The following APOB variants were observed in gnomAD, a reference collection of about 807,000 sequenced individuals.
APOB encodes apolipoprotein B-100.
In APOB, 153 loss-of-function variants were observed where a neutral mutation model predicts 314.1. That is an observed-to-expected ratio of 0.49 (90% CI 0.43 to 0.56). The LOEUF is 0.56. APOB is among the 20% of genes least tolerant of loss of function. APOB has a pLI of 0.00. For synonymous variants in APOB, 2,087 were observed against 2,036.4 expected, an observed-to-expected ratio of 1.02 and a Z score of -0.67; for missense variants, 5,430 against 5,350.7, an observed-to-expected ratio of 1.01 and a Z score of -0.46.
rs1012642664 is a variant in APOB, at chr2:21,044,021, C to T, written c.-76G>A. 1.3e-6 allele frequency: 1 copy of T among 771,152 alleles called. No individual in the cohort carries two copies. The highest frequency in any genetic ancestry group is 1.7e-6 in the Non-Finnish European group (1 of 575,934). The allele number at this position is 771,152 out of a possible 1,614,324, so 47.8% of individuals were successfully genotyped here. A position where few individuals can be genotyped will look rare whatever the true frequency, so the allele number is the denominator to read the frequency against. ...CGGCCCTGGCTGGCTGGGCGGGCTC[C>T]TCAGCGGCAGCAACCGAGAAGGGCA... On this transcript the variant is annotated 5_prime_UTR_variant, in exon 1 of 29. Coordinates refer to ENST00000233242, the MANE Select transcript of APOB (RefSeq NM_000384.3).
In APOB at chr2:21,002,425, T is replaced by C; in HGVS notation, c.12997A>G (p.Ile4333Val). 1 of 1,601,820 alleles carries C rather than the reference T, an allele frequency of 6.2e-7. No homozygotes were observed. The highest frequency in any genetic ancestry group is 8.5e-7 in the Non-Finnish European group (1 of 1,172,234). ...ATATAATCACTGAAGATTGTGTTGA[T>C]CTCATCTTGGATATAATTAATAAGA... ...TYLINYIQDE[I>V]NTIFSDYIPY... The change falls in exon 29 of 29, where the codon ATC (isoleucine) becomes GTC (valine). Residue 4333 changes from isoleucine to valine, a missense_variant. By Grantham distance (29) the Ile-to-Val change is conservative. Transcript: ENST00000233242.
chr2:21,033,492 C>T lies in APOB; in HGVS notation c.931G>A (p.Glu311Lys). ...EGTKKMGLAF[E>K]STKSTSPPKQ... ...GGAGGTGATGTGGATTTGGTGCTCT[C>T]AAATGCGAGGCCCATCTTCTTAGTA... Residue 311 changes from glutamate (E) to lysine (K), a missense_variant, in exon 9 of 29, where the codon GAG becomes AAG. By Grantham distance (56) the Glu-to-Lys change is moderately conservative (BLOSUM62 1). Around this residue, in one of 3 missense-constraint regions of APOB, gnomAD observed 2,085 missense variants for 2,079.7 expected, o/e 1.00. Transcript: ENST00000233242. 6.2e-7 allele frequency: 1 copy of T among 1,614,130 alleles called. No homozygotes were observed. Among genetic ancestry groups the T allele is most frequent in the Non-Finnish European group, 8.5e-7 (1 of 1,180,012 alleles).
At chr2:21,034,442 A>G (rs773991638) in intron 8 of APOB, among the ~76,000 whole-genome samples, 8 of 152,220 alleles carry the variant, frequency 5.3e-5, no homozygotes, top group Non-Finnish European at 8.8e-5. Context: ...TTCTACCTCT[A>G]AAGACTGACT....
At chr2:21,022,709 C>A (rs1181631837) in intron 18 of APOB, 122 bp downstream of exon 18, 21 of 858,794 alleles carry the variant, frequency 2.4e-5, no homozygotes, top group Admixed American at 8.0e-5. Flanking sequence ...CCTTTCTACT[C>A]CTCTCCTGCT....
At chr2:21,037,809 G>A (rs184837764) in intron 5 of APOB, 149 bp downstream of exon 5, 14 of 963,450 alleles carry the variant, frequency 1.5e-5, no homozygotes, top group African/African-American at 4.8e-5. Flanking sequence ...GAGGAACCTC[G>A]GGCACCAGTA....
At chr2:21,032,697 C>A in intron 9 of APOB, 116 bp from the exon 10 acceptor site, 1 of 751,394 alleles carries the variant, frequency 1.3e-6, no homozygotes, top group Admixed American at 2.5e-5. Context: ...CTATTCAAAT[C>A]TAACTTCAAA....
rs1373269458 is a variant in APOB, at chr2:21,013,451, C to G, written c.3925G>C (p.Asp1309His). ...PLPFGGKSSR[D>H]LKMLETVRTP... Reference sequence around the variant, plus strand: ...CTAACAGTCTCTAACATCTTTAGATCTCTGGAGGATTTGCCACCAAAAGGC... The same window carrying G: ...CTAACAGTCTCTAACATCTTTAGATGTCTGGAGGATTTGCCACCAAAAGGC... Residue 1309 changes from aspartate (D) to histidine (H), a missense_variant, in exon 25 of 29, where the codon GAT (aspartate) becomes CAT (histidine). Asp to His is a moderately conservative substitution (Grantham distance 81). Around this residue, in one of 3 missense-constraint regions of APOB, gnomAD observed 2,085 missense variants for 2,079.7 expected, o/e 1.00. Coordinates refer to ENST00000233242, the MANE Select transcript of APOB (RefSeq NM_000384.3). 1 of 1,614,102 alleles carries G rather than the reference C, an allele frequency of 6.2e-7. No individual in the cohort carries two copies. Among genetic ancestry groups the G allele is most frequent in the East Asian group, 2.2e-5 (1 of 44,904 alleles).
chr2:21,027,149 T>C (rs1370750582), intron 14 of APOB, among the ~76,000 whole-genome samples, 185 bp from the exon 15 acceptor site: 5 of 152,166 alleles, frequency 3.3e-5, no homozygotes, highest in Admixed American at 2.0e-4. Flanking sequence ...CCTTATTACT[T>C]GCTTTTTTCT....
Position 21,002,754 on chromosome 2 carries a change from T to C in APOB, c.12668A>G (p.Glu4223Gly), listed in dbSNP as rs1663024271. The change falls in exon 29 of 29, where the codon GAG (glutamate) becomes GGG (glycine). Residue 4223 changes from glutamate (E) to glycine (G), a missense_variant. Physicochemically the swap from Glu to Gly is moderately conservative, Grantham distance 98 (BLOSUM62 -2). Around this residue, in one of 3 missense-constraint regions of APOB, gnomAD observed 3,281 missense variants for 3,171.0 expected, o/e 1.03. Coordinates refer to ENST00000233242, the MANE Select transcript of APOB (RefSeq NM_000384.3). ...REELCTMFIR[E>G]VGTVLSQVYS... ...TACCTGGGACAGTACCGTCCCTACCTCCCTTATGAACATAGTGCAAAGTTC... is the reference window on the plus strand; with the variant it reads ...TACCTGGGACAGTACCGTCCCTACCCCCCTTATGAACATAGTGCAAAGTTC... 1.2e-6 allele frequency: 2 copies of C among 1,609,518 alleles called. No homozygotes were observed. Among genetic ancestry groups the C allele is most frequent in the Non-Finnish European group, 1.7e-6 (2 of 1,177,198 alleles).
chr2:21,020,557 C>A (rs1473878141), intron 18 of APOB, among the ~76,000 whole-genome samples: 1 of 152,212 alleles, frequency 6.6e-6, no homozygotes, highest in African/African-American at 2.4e-5. Flanking sequence ...TCCCAGAAGC[C>A]TTCCATAGAG....
In APOB at chr2:21,033,456, C is replaced by T. The variant is rs368194255; in HGVS notation, c.967G>A (p.Glu323Lys). 9.3e-6 allele frequency: 15 copies of T among 1,614,016 alleles called. No individual in the cohort carries two copies. The African/African-American group carries it at 9.3e-5, about 10-fold the overall frequency. ...TKSTSPPKQA[E>K]AVLKTLQELK... is the part of the protein sequence containing the mutation. ...TCCTGGAGAGTCTTCAAAACAGCTT[C>T]GGCCTGCTTTGGAGGTGATGTGGAT... Residue 323 changes from glutamate to lysine, a missense_variant, in exon 9 of 29, where the codon GAA (glutamate) becomes AAA (lysine). Coordinates refer to ENST00000233242, the MANE Select transcript of APOB (RefSeq NM_000384.3).
At chr2:21,004,937 G>T in intron 26 of APOB, 143 bp downstream of exon 26, 2 of 1,139,286 alleles carry the variant, frequency 1.8e-6, no homozygotes, top group Admixed American at 1.8e-5. Flanking sequence ...TACGTGTAGG[G>T]TATACATGTA....
chr2:21,040,678 A>G (rs1488640114), intron 4 of APOB, among the ~76,000 whole-genome samples: 1 of 152,154 alleles, frequency 6.6e-6, no homozygotes, highest in Non-Finnish European at 1.5e-5. Flanking sequence ...TAAACAAAGC[A>G]TCTCAGTTTT....
Position 21,028,169 on chromosome 2 carries a change from G to T in APOB, c.1830-104C>A, listed in dbSNP as rs570075101. On this transcript the variant is annotated intron_variant, in intron 13 of 28. Coordinates refer to ENST00000233242, the MANE Select transcript of APOB (RefSeq NM_000384.3). The stretch of plus-strand genomic sequence containing the variant: ...TTTCCAATCACTACCAAAATGTCTT[G>T]ATTTCATTGACCCTAAGTCTTTGGG... 101 of 1,138,062 alleles carry T rather than the reference G, an allele frequency of 8.9e-5. 3 individuals carry two copies. In the South Asian group the frequency reaches 1.1e-3, roughly 13 times the overall value. The allele number at this position is 1,138,062 out of a possible 1,614,324, so 70.5% of individuals were successfully genotyped here.
chr2:21,005,973 C>T lies in APOB; in HGVS notation c.10895G>A (p.Arg3632Lys). 2.5e-6 allele frequency: 4 copies of T among 1,613,914 alleles called. No homozygotes were observed. Among genetic ancestry groups the T allele is most frequent in the Non-Finnish European group, 3.4e-6 (4 of 1,179,950 alleles). ...LNANTKNQKI[R>K]WKNEVRIHSG... ...ATGAATCCGGACTTCATTTTTCCAT[C>T]TGATCTTCTGGTTCTTAGTGTTAGC... The change falls in exon 26 of 29, where the codon AGA becomes AAA. Residue 3632 changes from arginine (R) to lysine (K), a missense_variant. By Grantham distance (26) the Arg-to-Lys change is conservative. Coordinates refer to ENST00000233242, the MANE Select transcript of APOB (RefSeq NM_000384.3).
intron 25 of APOB, 120 bp downstream of exon 25, chr2:21,013,040 C>T (rs1663370144): frequency 1.6e-6 from 2 of 1,232,066 alleles, no homozygotes; most frequent in Non-Finnish European, 2.3e-6. Context: ...TAAAAGACTT[C>T]CAAGTAGCAA....
Position 21,002,738 on chromosome 2 carries a change from C to G in APOB, c.12684G>C (p.Leu4228=). ...TMFIREVGTV[L]SQVYSKVHNG... is the part of the protein sequence containing the mutation. ...TATGGACTTTCGAATATACCTGGGA[C>G]AGTACCGTCCCTACCTCCCTTATGA... is the stretch of plus-strand genomic sequence containing the variant. The change falls in exon 29 of 29, where the codon CTG becomes CTC. Residue 4228 remains leucine (L), a synonymous_variant. Coordinates refer to ENST00000233242, the MANE Select transcript of APOB (RefSeq NM_000384.3). 8 of 1,611,508 alleles carry G rather than the reference C, an allele frequency of 5.0e-6. No homozygotes were observed. Among genetic ancestry groups the G allele is most frequent in the South Asian group, 1.1e-5 (1 of 90,692 alleles).
intron 7 of APOB, among the ~76,000 whole-genome samples, chr2:21,035,292 T>C (rs1306599495): frequency 2.6e-5 from 4 of 152,222 alleles, no homozygotes; most frequent in African/African-American, 9.6e-5. Flanking sequence ...AAATCTTCCA[T>C]GAAACCTTTT....
rs767327489 is a variant in APOB, at chr2:21,005,494, G to A, written c.11374C>T (p.Pro3792Ser). 3.1e-5 allele frequency: 50 copies of A among 1,613,796 alleles called. No individual in the cohort carries two copies. The highest frequency in any genetic ancestry group is 4.2e-5 in the Non-Finnish European group (49 of 1,179,960). Residue 3792 changes from proline to serine, a missense_variant, in exon 26 of 29, where the codon CCT becomes TCT. Transcript: ENST00000233242. ...NLPTLPEVKF[P>S]EVDVLTKYSQ... ...TATTTTGTTAACACATCAACTTCAG[G>A]GAATTTTACCTCGGGGAGTGTTGGT...
Sources: allele counts gnomAD v4.1 joint callset (sites outside exome capture counted in the v4.1 genomes callset), GRCh38; gene constraint gnomAD v4.1.1; regional missense constraint gnomAD v4.1.1; transcripts MANE v1.5; gene names NCBI Gene and HGNC (gene_info 2026-07-23, HGNC 2026-07-21).